Variants in EPHA3 observed in about 807,000 individuals in gnomAD.
EPHA3 encodes ephrin type-A receptor 3.
In EPHA3, 42 loss-of-function variants were observed where a neutral mutation model predicts 107.1. That is an observed-to-expected ratio of 0.39 (90% CI 0.31 to 0.51). The LOEUF is 0.51. Among genes scored for constraint, EPHA3 ranks in the 20% least tolerant of loss-of-function variants. EPHA3 has a pLI of 0.78. For missense variants in EPHA3, 1,183 were observed against 1,211.2 expected (o/e 0.98, Z 0.35); for synonymous variants, 461 against 424.8 (o/e 1.09, Z -1.05).
chr3:89,160,589 T>TGTGTGG (rs371399940), intron 2 of EPHA3, among the ~76,000 whole-genome samples: 8,731 of 144,964 alleles, frequency 0.06, 354 homozygotes, highest in East Asian at 0.088. Context: ...TGTGTGTGTG[T>TGTGTGG]GCGCGCATTC....
In EPHA3 at chr3:89,281,648, A is replaced by C. The variant is rs12633279; in HGVS notation, c.815-59268A>C. Among the ~76,000 whole-genome samples the C allele has an allele frequency of 2.3e-3, 350 of 152,316 alleles. 9 individuals carry two copies. The East Asian group carries it at 0.06, about 26-fold the overall frequency. On this transcript the variant is annotated intron_variant, in intron 3 of 16. Coordinates refer to ENST00000336596, the MANE Select transcript of EPHA3 (RefSeq NM_005233.6). ...AATATTAAAATAAGTAATTTTATTT[A>C]AAAAGTAATGTTTTCAAGATGTTCC...
At chr3:89,356,908 T>C (rs1707970984) in intron 5 of EPHA3, among the ~76,000 whole-genome samples, 1 of 149,526 alleles carries the variant, frequency 6.7e-6, no homozygotes, top group Non-Finnish European at 1.5e-5. Flanking sequence ...ATCAAAACCA[T>C]CATGGGAAAC....
intron 1 of EPHA3, among the ~76,000 whole-genome samples, chr3:89,117,449 G>A (rs1448292763): frequency 7.2e-5 from 11 of 151,974 alleles, no homozygotes; most frequent in Non-Finnish European, 1.5e-4. Flanking sequence ...GCTTTTAAAG[G>A]GATATATTCT....
At chr3:89,435,859 A>G (rs1709660263) in intron 13 of EPHA3, among the ~76,000 whole-genome samples, 1 of 150,786 alleles carries the variant, frequency 6.6e-6, no homozygotes, top group African/African-American at 2.4e-5. Context: ...AGGCTGAGGC[A>G]TAAGAACTGC....
intron 5 of EPHA3, among the ~76,000 whole-genome samples, chr3:89,364,314 G>C (rs1708149061): frequency 6.6e-6 from 1 of 150,830 alleles, no homozygotes; most frequent in Non-Finnish European, 1.5e-5. Flanking sequence ...TCATTCAGAG[G>C]CCTTTCAGAA....
intron 11 of EPHA3, 83 bp downstream of exon 11, chr3:89,419,473 T>C (rs920699716): frequency 3.4e-5 from 45 of 1,331,660 alleles, no homozygotes; most frequent in Non-Finnish European, 4.4e-5. Flanking sequence ...TTAAGAATTT[T>C]GGCTTTTTTT....
At chr3:89,262,314 G>C (rs370158987) in intron 3 of EPHA3, among the ~76,000 whole-genome samples, 22 of 152,094 alleles carry the variant, frequency 1.4e-4, no homozygotes, top group African/African-American at 5.1e-4. Context: ...TAATTGTTCT[G>C]GAGGCTAGAA....
chr3:89,337,732 T>G (rs1469286682), intron 3 of EPHA3, among the ~76,000 whole-genome samples: 3 of 152,204 alleles, frequency 2.0e-5, no homozygotes, highest in Non-Finnish European at 4.4e-5. Context: ...ATCTTTTAGC[T>G]CCATTAGGCT....
rs763493926 is a variant in EPHA3, at chr3:89,413,283, T to C, written c.1888+17T>C. The C allele has an allele frequency of 1.2e-6, 2 of 1,611,136 alleles. No homozygotes were observed. Among genetic ancestry groups the C allele is most frequent in the South Asian group, 2.2e-5 (2 of 91,026 alleles). On this transcript the variant is annotated intron_variant, in intron 10 of 16. Transcript: ENST00000336596. ...TTGGAGCAGGTAACCACAATGACCC[T>C]ACTGCCAACTTAGTACTGTATGTGA...
intron 2 of EPHA3, among the ~76,000 whole-genome samples, chr3:89,137,493 T>TA (rs1180792163): frequency 2.6e-5 from 4 of 152,140 alleles, no homozygotes; most frequent in African/African-American, 9.6e-5. Context: ...GTATACTTTT[T>TA]ACGTAAGTCC....
At chr3:89,235,404 T>C (rs1704735654) in intron 3 of EPHA3, among the ~76,000 whole-genome samples, 1 of 152,188 alleles carries the variant, frequency 6.6e-6, no homozygotes, top group African/African-American at 2.4e-5. Flanking sequence ...TTTACATAAA[T>C]ATATCAACCC....
chr3:89,109,797 A>G (rs546453317), intron 1 of EPHA3, among the ~76,000 whole-genome samples: 1 of 152,164 alleles, frequency 6.6e-6, no homozygotes, highest in South Asian at 2.1e-4. Context: ...ACATAATTGC[A>G]TTTAATTTGC....
intron 2 of EPHA3, among the ~76,000 whole-genome samples, chr3:89,152,889 A>C (rs1350514581): frequency 1.3e-5 from 2 of 152,084 alleles, no homozygotes; most frequent in Non-Finnish European, 2.9e-5. Flanking sequence ...AGTTTGGTAA[A>C]TTTAGAAAAA....
At chr3:89,239,566 G>T (rs1002760102) in intron 3 of EPHA3, among the ~76,000 whole-genome samples, 1 of 152,170 alleles carries the variant, frequency 6.6e-6, no homozygotes, top group Non-Finnish European at 1.5e-5. Flanking sequence ...AGTTTTGAAT[G>T]AAGTAAATGG....
intron 2 of EPHA3, among the ~76,000 whole-genome samples, chr3:89,195,924 C>G (rs1369962307): frequency 6.6e-6 from 1 of 152,084 alleles, no homozygotes; most frequent in Non-Finnish European, 1.5e-5. Flanking sequence ...TTCTAATTTT[C>G]TACTATTGTC....
In EPHA3 at chr3:89,388,163, AT is replaced by A. The variant is rs1028408267; in HGVS notation, c.1307-7667del. 3.9e-5 allele frequency among the ~76,000 whole-genome samples: 6 copies of A among 152,120 alleles called. No homozygotes were observed. The East Asian group carries it at 5.8e-4, about 15-fold the overall frequency. On this transcript the variant is annotated intron_variant, in intron 5 of 16. Coordinates refer to ENST00000336596, the MANE Select transcript of EPHA3 (RefSeq NM_005233.6). ...CATTTTCATTGCCATTTTGATTTTA[AT>A]TTTTTTATTTTAATATCACGGGCTA... is the stretch of plus-strand genomic sequence containing the variant.
At chr3:89,348,362 GAATTTATCC>G (rs1489843313) in intron 5 of EPHA3, among the ~76,000 whole-genome samples, 2 of 134,348 alleles carry the variant, frequency 1.5e-5, no homozygotes, top group African/African-American at 5.7e-5. Context: ...ATGTGTCGAG[GAATTTATCC>G]ATTTCTTCTA....
chr3:89,179,395 A>G (rs1705388085), intron 2 of EPHA3, among the ~76,000 whole-genome samples: 1 of 152,174 alleles, frequency 6.6e-6, no homozygotes, highest in African/African-American at 2.4e-5. Flanking sequence ...AGTTACCACC[A>G]TTTGCCTTTA....
At chr3:89,117,335 C>A (rs1707281376) in intron 1 of EPHA3, among the ~76,000 whole-genome samples, 1 of 152,040 alleles carries the variant, frequency 6.6e-6, no homozygotes, top group South Asian at 2.1e-4. Flanking sequence ...CATTTCCTAT[C>A]TACCTCAGAC....
Sources: allele counts gnomAD v4.1 joint callset (sites outside exome capture counted in the v4.1 genomes callset), GRCh38; gene constraint gnomAD v4.1.1; transcripts MANE v1.5; gene names NCBI Gene and HGNC (gene_info 2026-07-23, HGNC 2026-07-21).